RBFOX1: variants seen among roughly 807,000 people sequenced by gnomAD.
The protein encoded by RBFOX1 is RNA binding fox-1 homolog 1.
RBFOX1 carries 8 observed loss-of-function variants against 57.7 expected under a neutral mutation model. That is an observed-to-expected ratio of 0.14 (90% CI 0.08 to 0.25). The LOEUF (loss-of-function observed/expected upper bound fraction) is 0.25. RBFOX1 is among the 10% of genes least tolerant of loss of function. The pLI, the probability that RBFOX1 is intolerant of heterozygous loss-of-function variation, is 1.00. For missense variants in RBFOX1, 611 were observed against 548.5 expected (o/e 1.11, Z -1.14); for synonymous variants, 326 against 222.4 (o/e 1.47, Z -4.15).
At chr16:6,206,949 T>A (rs2152840451) in intron 1 of RBFOX1, among the ~76,000 whole-genome samples, 1 of 152,086 alleles carries the variant, frequency 6.6e-6, no homozygotes, top group Middle Eastern at 3.4e-3. Flanking sequence ...TACACTTAAT[T>A]CTTAAGATAG....
At chr16:5,613,256 T>G (rs1363512601) in intron 3 of RBFOX1, among the ~76,000 whole-genome samples, 2 of 152,184 alleles carry the variant, frequency 1.3e-5, no homozygotes, top group Non-Finnish European at 2.9e-5. Context: ...TGGACATCCT[T>G]CAAGGCTCAG....
chr16:6,570,529 A>G (rs1342286592), intron 2 of RBFOX1, among the ~76,000 whole-genome samples: 1 of 152,222 alleles, frequency 6.6e-6, no homozygotes, highest in African/African-American at 2.4e-5. Flanking sequence ...ATACACATAT[A>G]AAATATAATT....
intron 3 of RBFOX1, among the ~76,000 whole-genome samples, chr16:5,750,047 G>A (rs564370317): frequency 2.3e-4 from 35 of 152,276 alleles, no homozygotes; most frequent in Admixed American, 3.9e-4. Context: ...CGGTTTTGGT[G>A]TGGATGTCCT....
chr16:5,647,892 T>C (rs66536669), intron 3 of RBFOX1, among the ~76,000 whole-genome samples: 3 of 152,012 alleles, frequency 2.0e-5, no homozygotes, highest in Admixed American at 2.0e-4. Flanking sequence ...TGGAGTTTCA[T>C]TCTGTCACTC....
chr16:7,246,303 C>T (rs1288050266), intron 4 of RBFOX1, among the ~76,000 whole-genome samples: 2 of 152,184 alleles, frequency 1.3e-5, no homozygotes, highest in Admixed American at 1.3e-4. Flanking sequence ...GCAGCTCCAG[C>T]AGCACCCTCC....
Position 6,701,556 on chromosome 16 carries a change from T to C in RBFOX1, c.-16+46906T>C, listed in dbSNP as rs555415721. ...TGAGGCCTCAGGAAGCTTCTATTTC[T>C]GGTGGAAGGTGAAGGGGGAGCAGGA... On this transcript the variant is annotated intron_variant, in intron 3 of 15. Transcript: ENST00000550418. Among the ~76,000 whole-genome samples, 258 of 152,250 alleles carry C rather than the reference T, an allele frequency of 1.7e-3. 1 individual carries two copies. Among genetic ancestry groups the C allele is most frequent in the African/African-American group, 6.0e-3 (251 of 41,546 alleles).
intron 4 of RBFOX1, among the ~76,000 whole-genome samples, chr16:7,069,189 AT>A (rs1381995180): frequency 6.6e-6 from 1 of 152,030 alleles, no homozygotes; most frequent in Middle Eastern, 3.2e-3. Context: ...TAATTTATTT[AT>A]TTTTTAATTA....
chr16:5,489,470 C>T (rs181215240), intron 2 of RBFOX1, among the ~76,000 whole-genome samples: 5 of 152,342 alleles, frequency 3.3e-5, no homozygotes, highest in African/African-American at 7.2e-5. Flanking sequence ...TCAAGTTCAT[C>T]TATTAGCCCT....
Position 7,201,452 on chromosome 16 carries a change from CTTT to C in RBFOX1, c.27+149366_27+149368del, listed in dbSNP as rs71147669. Among the ~76,000 whole-genome samples, 40 of 146,096 alleles carry C rather than the reference CTTT, an allele frequency of 2.7e-4. 1 individual carries two copies. The highest frequency in any genetic ancestry group is 7.2e-3 in the Middle Eastern group (2 of 276). On this transcript the variant is annotated intron_variant, in intron 4 of 15. Coordinates refer to ENST00000550418, the MANE Select transcript of RBFOX1 (RefSeq NM_018723.4). ...GGCAAGAGAATGCCACGATCTGATTCTTTTTTTTTTTTTTCTTTTCTTTTTTTT... is the reference window on the plus strand; with the variant it reads ...GGCAAGAGAATGCCACGATCTGATTCTTTTTTTTTTTCTTTTCTTTTTTTT...
intron 3 of RBFOX1, among the ~76,000 whole-genome samples, chr16:6,766,792 C>T (rs1031349562): frequency 2.0e-5 from 3 of 151,950 alleles, no homozygotes; most frequent in African/African-American, 4.8e-5. Context: ...TATGGGCTTC[C>T]GTTAGTGACT....
chr16:6,503,292 C>G (rs1256581464), intron 2 of RBFOX1, among the ~76,000 whole-genome samples: 3 of 152,154 alleles, frequency 2.0e-5, no homozygotes, highest in South Asian at 2.1e-4. Context: ...TTGTTTATCT[C>G]TTTTCCACTT....
intron 3 of RBFOX1, among the ~76,000 whole-genome samples, chr16:5,777,711 A>G (rs981719016): frequency 6.6e-6 from 1 of 152,236 alleles, no homozygotes; most frequent in Non-Finnish European, 1.5e-5. Flanking sequence ...TGACCATCAC[A>G]CAGGGAAACA....
intron 4 of RBFOX1, among the ~76,000 whole-genome samples, chr16:7,188,104 A>G (rs923063576): frequency 1.3e-5 from 2 of 152,116 alleles, no homozygotes; most frequent in Non-Finnish European, 2.9e-5. Flanking sequence ...ATATTTGGTA[A>G]TTGTGTTTAA....
chr16:6,909,285 C>G (rs1056753956), intron 3 of RBFOX1, among the ~76,000 whole-genome samples: 4 of 152,126 alleles, frequency 2.6e-5, no homozygotes, highest in Admixed American at 1.3e-4. Flanking sequence ...CCTTCAGACT[C>G]CAGCCCTGGC....
At chr16:5,283,732 C>G (rs537947540) in intron 1 of RBFOX1, among the ~76,000 whole-genome samples, 1 of 152,176 alleles carries the variant, frequency 6.6e-6, no homozygotes, top group African/African-American at 2.4e-5. Flanking sequence ...GCCTATACCC[C>G]CATTGTATCT....
chr16:5,344,891 C>G (rs2065107362), intron 1 of RBFOX1, among the ~76,000 whole-genome samples: 1 of 152,176 alleles, frequency 6.6e-6, no homozygotes, highest in African/African-American at 2.4e-5. Flanking sequence ...ATCAATAACT[C>G]CAAATTCATG....
chr16:7,135,448 G>C (rs891082414), intron 4 of RBFOX1, among the ~76,000 whole-genome samples: 3 of 152,192 alleles, frequency 2.0e-5, no homozygotes, highest in African/African-American at 7.2e-5. Flanking sequence ...TTCTTACATT[G>C]TTACCAAGCT....
At chr16:6,712,506 G>T (rs1460153350) in intron 3 of RBFOX1, among the ~76,000 whole-genome samples, 1 of 152,098 alleles carries the variant, frequency 6.6e-6, no homozygotes, top group South Asian at 2.1e-4. Flanking sequence ...CATCTCAGTG[G>T]ATGGTATTAT....
chr16:6,350,361 A>G (rs543817190), intron 2 of RBFOX1, among the ~76,000 whole-genome samples: 15 of 148,740 alleles, frequency 1.0e-4, no homozygotes, highest in African/African-American at 3.7e-4. Context: ...GAAGCACTTG[A>G]ACCCAGGAGG....
Sources: gnomAD v4.1 joint callset for allele counts (sites outside exome capture counted in the v4.1 genomes callset) on GRCh38, gnomAD v4.1.1 for gene constraint, MANE v1.5 for transcripts, NCBI Gene and HGNC (gene_info 2026-07-23, HGNC 2026-07-21) for gene names.